The following TAFA4 variants were observed in gnomAD, a reference collection of about 807,000 sequenced individuals.
TAFA4 encodes TAFA chemokine like family member 4, also known as chemokine-like protein TAFA-4.
TAFA4 carries 20 observed loss-of-function variants against 21.1 expected under a neutral mutation model. The ratio of observed to expected loss-of-function variants is 0.95; its 90% CI spans 0.67 to 1.38. The LOEUF (loss-of-function observed/expected upper bound fraction) is 1.38. Ranked by LOEUF, TAFA4 falls within the 40% of genes most tolerant of loss-of-function variation. TAFA4 has a pLI of 0.00. For synonymous variants in TAFA4, 71 were observed against 67.4 expected (o/e 1.05, Z -0.26); for missense variants, 211 against 180.9 (o/e 1.17, Z -0.95).
rs752695856 is a variant in TAFA4, at chr3:68,753,032, G to C, written c.131-14C>G. 6 of 1,609,542 alleles carry C rather than the reference G, an allele frequency of 3.7e-6. No individual in the cohort carries two copies. The highest frequency in any genetic ancestry group is 5.1e-6 in the Non-Finnish European group (6 of 1,176,988). ...TTTGGTGGTGACCTAGTTGGTAATG[G>C]GGGAGAAAAACAAACCCAGTGCTGT... is the stretch of plus-strand genomic sequence containing the variant. On this transcript the variant is annotated splice_polypyrimidine_tract_variant and intron_variant, in intron 3 of 5. Transcript: ENST00000295569.
chr3:68,795,001 TACAC>T lies in TAFA4; in HGVS notation c.131-41987_131-41984del, dbSNP rs3048125. On this transcript the variant is annotated intron_variant, in intron 3 of 5. Transcript: ENST00000295569. ...TTTTTGAATCAGATTTGTGTCTCAA[TACAC>T]ACACACACACACACACACACACACA... Among the ~76,000 whole-genome samples the T allele has an allele frequency of 6.4e-3, 924 of 144,060 alleles. 7 individuals are homozygous for T. Among genetic ancestry groups the T allele is most frequent in the African/African-American group, 0.015 (562 of 38,652 alleles). The allele number at this position is 144,060 out of a possible 152,430, so 94.5% of individuals were successfully genotyped here.
chr3:68,931,455 C>A (rs1261008268), intron 1 of TAFA4, among the ~76,000 whole-genome samples: 1 of 152,210 alleles, frequency 6.6e-6, no homozygotes, highest in Non-Finnish European at 1.5e-5. Context: ...CTGTGTCTGG[C>A]TTGGGCAGCC....
intron 3 of TAFA4, among the ~76,000 whole-genome samples, chr3:68,764,624 C>T (rs1440741366): frequency 3.3e-5 from 5 of 152,128 alleles, no homozygotes; most frequent in South Asian, 2.1e-4. Context: ...AATTCATTTT[C>T]GATCACTGGG....
At chr3:68,833,321 C>T (rs111756283) in intron 3 of TAFA4, among the ~76,000 whole-genome samples, 158 of 152,256 alleles carry the variant, frequency 1.0e-3, no homozygotes, top group African/African-American at 3.6e-3. Flanking sequence ...TCAGCCATCT[C>T]GGAAGCGACT....
At chr3:68,870,537 G>A (rs2089470144) in intron 3 of TAFA4, among the ~76,000 whole-genome samples, 1 of 151,978 alleles carries the variant, frequency 6.6e-6, no homozygotes, top group Non-Finnish European at 1.5e-5. Context: ...ACAGAACCCA[G>A]AAATAAATCC....
intron 3 of TAFA4, among the ~76,000 whole-genome samples, chr3:68,777,963 T>C (rs1422249416): frequency 6.6e-6 from 1 of 152,140 alleles, no homozygotes; most frequent in Non-Finnish European, 1.5e-5. Flanking sequence ...ATGTGCACAA[T>C]GACAACATTA....
intron 3 of TAFA4, among the ~76,000 whole-genome samples, chr3:68,817,698 C>G (rs1053882256): frequency 6.6e-6 from 1 of 152,152 alleles, no homozygotes; most frequent in African/African-American, 2.4e-5. Context: ...TTGTACATCT[C>G]CATCAGGCCT....
chr3:68,906,370 C>T (rs1282722204), intron 1 of TAFA4, among the ~76,000 whole-genome samples: 1 of 152,212 alleles, frequency 6.6e-6, no homozygotes, highest in Non-Finnish European at 1.5e-5. Flanking sequence ...TTGAGGGACT[C>T]AGTATGCAAA....
rs6808772 is a variant in TAFA4 at position 68,917,938 on chromosome 3, T to C, written c.-123+14302A>G. Reference sequence around the variant, plus strand: ...GCTTCTGGCAGATCTTTAGGAGTAATGATAATGTGCGTTTATACAATGAGC... The same window carrying C: ...GCTTCTGGCAGATCTTTAGGAGTAACGATAATGTGCGTTTATACAATGAGC... On this transcript the variant is annotated intron_variant, in intron 1 of 5. Transcript: ENST00000295569. Among the ~76,000 whole-genome samples the C allele has an allele frequency of 1.1e-3, 171 of 152,164 alleles. 2 individuals are homozygous for C. Among genetic ancestry groups the C allele is most frequent in the African/African-American group, 4.1e-3 (169 of 41,488 alleles).
Position 68,879,751 on chromosome 3 carries a change from G to A in TAFA4, c.130+979C>T, listed in dbSNP as rs115121099. On this transcript the variant is annotated intron_variant, in intron 3 of 5. Coordinates refer to ENST00000295569, the MANE Select transcript of TAFA4 (RefSeq NM_182522.5). ...ACTAACCTTAAAATATCAGAATAAC[G>A]AAGTGGAAAGTATGACATGTTATAT... Among the ~76,000 whole-genome samples, 937 of 152,186 alleles carry A rather than the reference G, an allele frequency of 6.2e-3. 5 individuals carry two copies. Among genetic ancestry groups the A allele is most frequent in the African/African-American group, 0.022 (903 of 41,520 alleles).
intron 1 of TAFA4, among the ~76,000 whole-genome samples, chr3:68,897,132 C>T (rs182514733): frequency 6.6e-6 from 1 of 151,946 alleles, no homozygotes; most frequent in East Asian, 2.0e-4. Flanking sequence ...GAACTCATGA[C>T]CTCAAGTGAT....
chr3:68,853,578 A>C (rs1453460862), intron 3 of TAFA4, among the ~76,000 whole-genome samples: 2 of 152,100 alleles, frequency 1.3e-5, no homozygotes, highest in African/African-American at 4.8e-5. Context: ...CCTACTTCTC[A>C]TTTATACAAT....
intron 5 of TAFA4, among the ~76,000 whole-genome samples, chr3:68,734,395 C>T (rs6766470): frequency 0.62 from 93,815 of 151,684 alleles, 29,686 homozygotes; most frequent in East Asian, 0.91. Context: ...TAAGGTAGTA[C>T]GATACAGGAA....
At chr3:68,847,874 G>T (rs1483470760) in intron 3 of TAFA4, among the ~76,000 whole-genome samples, 1 of 152,158 alleles carries the variant, frequency 6.6e-6, no homozygotes, top group African/African-American at 2.4e-5. Flanking sequence ...CTTTGAACAT[G>T]CCCTCCAAAG....
chr3:68,826,538 A>G (rs55821251), intron 3 of TAFA4, among the ~76,000 whole-genome samples: 41,631 of 147,294 alleles, frequency 0.28, 6,633 homozygotes, highest in Non-Finnish European at 0.37. Flanking sequence ...GCGCCACCGC[A>G]CTCCAGCCTG....
chr3:68,844,618 G>A (rs904214090), intron 3 of TAFA4, among the ~76,000 whole-genome samples: 8 of 152,002 alleles, frequency 5.3e-5, no homozygotes, highest in East Asian at 3.9e-4. Context: ...GTTAGGTGTC[G>A]ATTTTAGATC....
At chr3:68,746,089 A>G (rs1307114675) in intron 4 of TAFA4, among the ~76,000 whole-genome samples, 2 of 152,150 alleles carry the variant, frequency 1.3e-5, no homozygotes, top group African/African-American at 4.8e-5. Context: ...GCCCTCAAAC[A>G]TTAGACTCCA....
intron 3 of TAFA4, among the ~76,000 whole-genome samples, chr3:68,876,549 G>C (rs1026413397): frequency 9.9e-5 from 15 of 152,108 alleles, no homozygotes; most frequent in African/African-American, 3.6e-4. Flanking sequence ...AACTAAAACA[G>C]CGTATGCTAT....
chr3:68,834,080 G>A, intron 3 of TAFA4, among the ~76,000 whole-genome samples: 1 of 152,180 alleles, frequency 6.6e-6, no homozygotes, highest in Non-Finnish European at 1.5e-5. Context: ...CCTCCGTAAA[G>A]TAAGAGGAAT....
Sources: gnomAD v4.1 joint callset for allele counts (sites outside exome capture counted in the v4.1 genomes callset) on GRCh38, gnomAD v4.1.1 for gene constraint, MANE v1.5 for transcripts, NCBI Gene and HGNC (gene_info 2026-07-23, HGNC 2026-07-21) for gene names.